Variants in SLC39A11 observed in about 807,000 individuals in gnomAD.
SLC39A11 encodes zinc transporter ZIP11.
A neutral mutation model predicts 36.1 loss-of-function variants in SLC39A11; 33 were observed. The ratio of observed to expected loss-of-function variants is 0.91; its 90% CI spans 0.69 to 1.22. The LOEUF (loss-of-function observed/expected upper bound fraction) is 1.22, where lower values mean the gene tolerates loss of function less well. Ranked by LOEUF, SLC39A11 falls within the 50% of genes most tolerant of loss-of-function variation. The pLI is 0.00. For synonymous variants in SLC39A11, 166 were observed against 170.3 expected (o/e 0.97, Z 0.20); for missense variants, 432 against 430.3 (o/e 1.00, Z -0.03).
At chr17:72,862,057 C>T (rs2080068225) in intron 5 of SLC39A11, among the ~76,000 whole-genome samples, 1 of 152,000 alleles carries the variant, frequency 6.6e-6, no homozygotes. Flanking sequence ...TCAAATGCAG[C>T]TCCTAGCAAG....
rs1289565091 is a variant in SLC39A11 at position 72,821,358 on chromosome 17, T to G, written c.601+28276A>C. Among the ~76,000 whole-genome samples the G allele has an allele frequency of 1.3e-5, 2 of 149,226 alleles. 1 individual carries two copies. The highest frequency in any genetic ancestry group is 3.0e-5 in the Non-Finnish European group (2 of 66,730). ...TCTCTATTAAAAATACAAAAAAAAATAGCTGGGCATGGTGATGCACACCTG... is the reference window on the plus strand; with the variant it reads ...TCTCTATTAAAAATACAAAAAAAAAGAGCTGGGCATGGTGATGCACACCTG... On this transcript the variant is annotated intron_variant, in intron 6 of 9. Coordinates refer to ENST00000255559, the MANE Select transcript of SLC39A11 (RefSeq NM_139177.4).
At chr17:73,084,978 T>G (rs1440162710) in intron 2 of SLC39A11, 132 bp from the exon 3 acceptor site, 5 of 897,858 alleles carry the variant, frequency 5.6e-6, no homozygotes, top group Non-Finnish European at 9.0e-6. Flanking sequence ...CGTGAGCTAC[T>G]CAGTTTATAC....
At chr17:72,793,510 G>T (rs1271485226) in intron 6 of SLC39A11, among the ~76,000 whole-genome samples, 1 of 152,104 alleles carries the variant, frequency 6.6e-6, no homozygotes, top group Non-Finnish European at 1.5e-5. Context: ...AGATTGGATT[G>T]CGTGGAATAG....
chr17:73,014,128 C>T (rs770589678), intron 4 of SLC39A11, among the ~76,000 whole-genome samples: 1 of 152,174 alleles, frequency 6.6e-6, no homozygotes, highest in Non-Finnish European at 1.5e-5. Flanking sequence ...CTCATATAAA[C>T]ACAGAATGCA....
chr17:72,843,443 A>C (rs139571667), intron 6 of SLC39A11, among the ~76,000 whole-genome samples: 1 of 152,220 alleles, frequency 6.6e-6, no homozygotes, highest in African/African-American at 2.4e-5. Flanking sequence ...TGGTATTAGG[A>C]GGTGGGGACT....
chr17:73,092,303 A>T (rs1599267465), intron 1 of SLC39A11: 1 of 152,388 alleles, frequency 6.6e-6, no homozygotes, highest in African/African-American at 2.4e-5. Flanking sequence ...CCGCCTAGGA[A>T]GGGACGAACG....
intron 7 of SLC39A11, among the ~76,000 whole-genome samples, chr17:72,650,084 G>A (rs2069780117): frequency 6.6e-6 from 1 of 152,210 alleles, no homozygotes; most frequent in Non-Finnish European, 1.5e-5. Flanking sequence ...TCAGAAATGG[G>A]ACAAGGAAGT....
intron 5 of SLC39A11, among the ~76,000 whole-genome samples, chr17:72,878,659 T>C (rs1489580173): frequency 6.6e-6 from 1 of 152,206 alleles, no homozygotes; most frequent in African/African-American, 2.4e-5. Flanking sequence ...GTACTATATA[T>C]AGGAATAAAA....
intron 5 of SLC39A11, among the ~76,000 whole-genome samples, chr17:72,928,631 C>G (rs896834376): frequency 2.0e-5 from 3 of 152,114 alleles, no homozygotes; most frequent in Non-Finnish European, 4.4e-5. Flanking sequence ...GTTCCCAGGG[C>G]CCTGATAGTT....
intron 4 of SLC39A11, among the ~76,000 whole-genome samples, chr17:73,024,367 T>C (rs60541678): frequency 6.6e-6 from 1 of 152,250 alleles, no homozygotes; most frequent in African/African-American, 2.4e-5. Context: ...AAAGGGCTAC[T>C]GTTCAATGTC....
At chr17:73,055,069 C>T (rs1173245153) in intron 3 of SLC39A11, among the ~76,000 whole-genome samples, 4 of 152,134 alleles carry the variant, frequency 2.6e-5, no homozygotes, top group South Asian at 2.1e-4. Context: ...CAAACTCTCC[C>T]TTCACCAGCT....
intron 6 of SLC39A11, among the ~76,000 whole-genome samples, chr17:72,756,193 C>T (rs1244924051): frequency 2.6e-5 from 4 of 152,196 alleles, no homozygotes; most frequent in Non-Finnish European, 5.9e-5. Context: ...GCAGTTGTGA[C>T]GTTCCTGAGG....
chr17:72,892,465 C>G (rs2081806332), intron 5 of SLC39A11, among the ~76,000 whole-genome samples: 1 of 149,452 alleles, frequency 6.7e-6, no homozygotes, highest in South Asian at 2.1e-4. Context: ...AAGAGAAACA[C>G]AGAATCTCCT....
intron 7 of SLC39A11, among the ~76,000 whole-genome samples, chr17:72,722,757 C>A (rs2073749168): frequency 6.6e-6 from 1 of 152,140 alleles, no homozygotes; most frequent in African/African-American, 2.4e-5. Flanking sequence ...GCCTCAGCCT[C>A]CCGAGTAGCT....
chr17:73,084,308 A>C (rs1240406656), intron 3 of SLC39A11, among the ~76,000 whole-genome samples: 2 of 151,976 alleles, frequency 1.3e-5, no homozygotes, highest in Non-Finnish European at 2.9e-5. Context: ...ACGTTGGCAC[A>C]TGCCTGTAGT....
In SLC39A11 at chr17:72,849,681, C is replaced by A; in HGVS notation, c.554G>T (p.Arg185Met). The change falls in exon 6 of 10, where the codon AGG becomes ATG. Residue 185 changes from arginine (R) to methionine (M), a missense_variant. Coordinates refer to ENST00000255559, the MANE Select transcript of SLC39A11 (RefSeq NM_139177.4). ...NLAQPGGSSW[R>M]RIALLILAIT... is the part of the protein sequence containing the mutation. ...GGCCAAGATGAGCAGTGCGATCCTC[C>A]TCCAGCTGCTGCCGCCGGGCTGTGC... 1 of 1,607,944 alleles carries A rather than the reference C, an allele frequency of 6.2e-7. No homozygotes were observed.
chr17:72,682,370 C>A (rs1039241419), intron 7 of SLC39A11, among the ~76,000 whole-genome samples: 7 of 145,512 alleles, frequency 4.8e-5, no homozygotes, highest in African/African-American at 1.8e-4. Context: ...TTGGAGACTG[C>A]TGGTATATAA....
chr17:72,684,635 G>A (rs760150792), intron 7 of SLC39A11, among the ~76,000 whole-genome samples: 11 of 152,120 alleles, frequency 7.2e-5, no homozygotes, highest in East Asian at 1.9e-4. Flanking sequence ...GGTTTATCGC[G>A]GCCACCACTA....
At chr17:72,956,606 G>A (rs576912390) in intron 4 of SLC39A11, among the ~76,000 whole-genome samples, 110 of 152,248 alleles carry the variant, frequency 7.2e-4, no homozygotes, top group African/African-American at 2.4e-3. Context: ...TCTAATCCTC[G>A]ATGATTATCC....
Sources: allele counts gnomAD v4.1 joint callset (sites outside exome capture counted in the v4.1 genomes callset), GRCh38; gene constraint gnomAD v4.1.1; transcripts MANE v1.5; gene names NCBI Gene and HGNC (gene_info 2026-07-23, HGNC 2026-07-21).